The following TRAF6 variants were observed in gnomAD, a reference collection of about 807,000 sequenced individuals.
TRAF6 encodes TNF receptor-associated factor 6.
In TRAF6, 10 loss-of-function variants were observed where a neutral mutation model predicts 48.4. The ratio of observed to expected loss-of-function variants is 0.21; its 90% CI spans 0.13 to 0.35. TRAF6 has a LOEUF of 0.35. Ranked by LOEUF, TRAF6 falls within the 10% of genes least tolerant of loss-of-function variation. The pLI, the probability that TRAF6 is intolerant of heterozygous loss-of-function variation, is 1.00. For synonymous variants in TRAF6, 186 were observed against 219.6 expected, an observed-to-expected ratio of 0.85 and a Z score of 1.35; for missense variants, 397 against 661.0, an observed-to-expected ratio of 0.60 and a Z score of 4.38.
In TRAF6 at chr11:36,487,912, C is replaced by T. The variant is rs1029471024; in HGVS notation, c.*1926G>A. ...TGTGGCAACATTTAATTTTTTTCTC[C>T]GATAAAAGTACACATTTATTGTAGA... On this transcript the variant is annotated 3_prime_UTR_variant, in exon 7 of 7. Coordinates refer to ENST00000526995, the MANE Select transcript of TRAF6 (RefSeq NM_004620.4). 1.1e-4 allele frequency: 17 copies of T among 151,760 alleles called. No homozygotes were observed. The highest frequency in any genetic ancestry group is 2.4e-4 in the African/African-American group (10 of 41,354). 9.4% of individuals were successfully genotyped at this position (151,760 alleles called of 1,614,324 possible). A position where few individuals can be genotyped will look rare whatever the true frequency, so the allele number is the denominator to read the frequency against.
At chr11:36,492,428 C>CT in intron 6 of TRAF6, 123 bp downstream of exon 6, 1 of 819,152 alleles carries the variant, frequency 1.2e-6, no homozygotes, top group Non-Finnish European at 1.9e-6. Context: ...ATGAATAACT[C>CT]TATTATATCA....
At chr11:36,504,849 T>G (rs906457616) in intron 1 of TRAF6, among the ~76,000 whole-genome samples, 3 of 152,226 alleles carry the variant, frequency 2.0e-5, no homozygotes, top group African/African-American at 7.2e-5. Context: ...TTAGCAGGCA[T>G]GAAAACAACA....
rs908052344 is a variant in TRAF6 at position 36,486,329 on chromosome 11, G to A, written c.*3509C>T. On this transcript the variant is annotated 3_prime_UTR_variant, in exon 7 of 7. Transcript: ENST00000526995. The stretch of plus-strand genomic sequence containing the variant: ...GCTGGGATTATAGGCGTGAGCCACC[G>A]TGCCCAGCCTAATAGTATTTTATAT... Among the ~76,000 whole-genome samples, 1 of 152,094 alleles carries A rather than the reference G, an allele frequency of 6.6e-6. No homozygotes were observed. The highest frequency in any genetic ancestry group is 1.9e-4 in the East Asian group (1 of 5,194).
chr11:36,497,272 ATT>A lies in TRAF6; in HGVS notation c.448-8_448-7del. The A allele has an allele frequency of 2.7e-6, 4 of 1,502,796 alleles. No individual in the cohort carries two copies. Among genetic ancestry groups the A allele is most frequent in the South Asian group, 2.3e-5 (2 of 85,468 alleles). 93.1% of individuals were successfully genotyped at this position (1,502,796 alleles called of 1,614,324 possible). A position where few individuals can be genotyped will look rare whatever the true frequency, so the allele number is the denominator to read the frequency against. On this transcript the variant is annotated splice_polypyrimidine_tract_variant and splice_region_variant and intron_variant, in intron 3 of 6. Coordinates refer to ENST00000526995, the MANE Select transcript of TRAF6 (RefSeq NM_004620.4). Reference sequence around the variant, plus strand: ...TCACAATGTGCTTGATGATCCTATAATTAAAAAAATAATGGATTAGCATTAGC... The same window carrying A: ...TCACAATGTGCTTGATGATCCTATAAAAAAAAATAATGGATTAGCATTAGC...
In TRAF6 at chr11:36,489,861, G is replaced by A. The variant is rs1859537920; in HGVS notation, c.1546C>T (p.Arg516Ter). 7 of 1,613,764 alleles carry A rather than the reference G, an allele frequency of 4.3e-6. 1 individual carries two copies. Among genetic ancestry groups the A allele is most frequent in the East Asian group, 4.5e-5 (2 of 44,896 alleles). The change falls in exon 7 of 7, where the codon CGA (arginine) becomes TGA (stop). Residue 516 changes from arginine to a stop codon, truncating the protein, a stop_gained. Transcript: ENST00000526995. LOFTEE classifies it high-confidence loss of function. ...AGCTATACCCCTGCATCAGTACTTC[G>A]TGGCTGAAAACCCTCCCTCCGAAGG... is the stretch of plus-strand genomic sequence containing the variant. ...GSLRREGFQP[R>*]STDAGV
At chr11:36,496,971 A>C in intron 4 of TRAF6, 137 bp downstream of exon 4, 1 of 948,788 alleles carries the variant, frequency 1.1e-6, no homozygotes, top group South Asian at 1.8e-5. Context: ...TTTTCTTAAA[A>C]ATCATTTTTC....
rs924490152 is a variant in TRAF6, at chr11:36,486,955, G to A, written c.*2883C>T. On this transcript the variant is annotated 3_prime_UTR_variant, in exon 7 of 7. Coordinates refer to ENST00000526995, the MANE Select transcript of TRAF6 (RefSeq NM_004620.4). ...AATACAAAAAAATTAGCTGGGCGTG[G>A]TGGCGGGTGCCTGTAATCCCAGCTG... The A allele has an allele frequency of 2.6e-5, 4 of 152,308 alleles. No homozygotes were observed. The highest frequency in any genetic ancestry group is 7.3e-5 in the African/African-American group (3 of 41,346). The allele number at this position is 152,308 out of a possible 1,614,324, so 9.4% of individuals were successfully genotyped here.
At chr11:36,495,364 C>T (rs1251521664) in intron 4 of TRAF6, among the ~76,000 whole-genome samples, 2 of 152,184 alleles carry the variant, frequency 1.3e-5, no homozygotes, top group South Asian at 4.1e-4. Context: ...CGAGGCTATA[C>T]TTCTCCAAAG....
At chr11:36,501,117 T>C in intron 2 of TRAF6, 103 bp downstream of exon 2, 1 of 1,159,548 alleles carries the variant, frequency 8.6e-7, no homozygotes, top group Non-Finnish European at 1.2e-6. Flanking sequence ...CTAAGTAGCT[T>C]TTTATGTGTA....
chr11:36,505,624 C>T (rs577440867), intron 1 of TRAF6, among the ~76,000 whole-genome samples: 36 of 152,326 alleles, frequency 2.4e-4, no homozygotes, highest in Admixed American at 2.3e-3. Flanking sequence ...TGGAGTACCA[C>T]TTTTAATTTC....
chr11:36,500,578 T>C (rs2133674652), intron 2 of TRAF6, among the ~76,000 whole-genome samples: 1 of 152,286 alleles, frequency 6.6e-6, no homozygotes, highest in Middle Eastern at 3.4e-3. Flanking sequence ...TTACTTATTT[T>C]ACTAGGTCCA....
In TRAF6 at chr11:36,484,106, T is replaced by C. The variant is rs949304471; in HGVS notation, c.*5732A>G. ...AAGTCAGCCCAGCAATTCAGTTGTA[T>C]TGACCTGATGGAGGCCATCCGAGGT... On this transcript the variant is annotated 3_prime_UTR_variant, in exon 7 of 7. Transcript: ENST00000526995. Among the ~76,000 whole-genome samples, 3 of 152,194 alleles carry C rather than the reference T, an allele frequency of 2.0e-5. No homozygotes were observed. The highest frequency in any genetic ancestry group is 7.2e-5 in the African/African-American group (3 of 41,446).
intron 5 of TRAF6, 53 bp downstream of exon 5, chr11:36,494,923 T>C: frequency 7.7e-7 from 1 of 1,291,790 alleles, no homozygotes; most frequent in Non-Finnish European, 1.1e-6. Flanking sequence ...AAAAACCTAA[T>C]TCACTTCTTT....
Position 36,492,566 on chromosome 11 carries a change from A to C in TRAF6, c.741T>G (p.Phe247Leu). The change falls in exon 6 of 7, where the codon TTT becomes TTG. Residue 247 changes from phenylalanine (F) to leucine (L), a missense_variant. Phe to Leu is a conservative substitution (Grantham distance 22). Around this residue, in one of 4 missense-constraint regions of TRAF6, gnomAD observed 245 missense variants for 349.1 expected, o/e 0.70. Transcript: ENST00000526995. Reference sequence around the variant, plus strand: ...AAAACCTTACCTTTTCATGGCAACCAAAAGTACTGAATGTGCATGGAATTG... The same window carrying C: ...AAAACCTTACCTTTTCATGGCAACCCAAAGTACTGAATGTGCATGGAATTG... ...TAPIPCTFST[F>L]GCHEKMQRNH... The C allele has an allele frequency of 6.2e-7, 1 of 1,608,498 alleles. No homozygotes were observed. The highest frequency in any genetic ancestry group is 8.5e-7 in the Non-Finnish European group (1 of 1,178,620).
rs948491443 is a variant in TRAF6 at position 36,485,455 on chromosome 11, C to T, written c.*4383G>A. ...AGAACTATGGTCACTGCTGCTTGGGCGATTGTCCGAGTGGGACAGCACCTA... is the reference window on the plus strand; with the variant it reads ...AGAACTATGGTCACTGCTGCTTGGGTGATTGTCCGAGTGGGACAGCACCTA... On this transcript the variant is annotated 3_prime_UTR_variant, in exon 7 of 7. Coordinates refer to ENST00000526995, the MANE Select transcript of TRAF6 (RefSeq NM_004620.4). 2.0e-5 allele frequency among the ~76,000 whole-genome samples: 3 copies of T among 152,060 alleles called. No homozygotes were observed. The highest frequency in any genetic ancestry group is 2.1e-4 in the South Asian group (1 of 4,826).
intron 5 of TRAF6, among the ~76,000 whole-genome samples, 179 bp downstream of exon 5, chr11:36,494,797 T>C (rs1310128904): frequency 2.0e-5 from 3 of 151,918 alleles, no homozygotes; most frequent in Admixed American, 6.5e-5. Context: ...GGCTGGATGT[T>C]TTGTTCTCCC....
In TRAF6 at chr11:36,497,134, C is replaced by T. The variant is rs780939272; in HGVS notation, c.580G>A (p.Ala194Thr). Residue 194 changes from alanine (A) to threonine (T), a missense_variant, in exon 4 of 7, where the codon GCA becomes ACA. Transcript: ENST00000526995. ...RRQVSCDNCA[A>T]SMAFEDKEIH... ...TCTTTATCTTCAAATGCCATTGATG[C>T]AGCACAGTTGTCACAAGAAACCTGT... is the stretch of plus-strand genomic sequence containing the variant. The T allele has an allele frequency of 5.0e-6, 8 of 1,613,454 alleles. No homozygotes were observed. The East Asian group carries it at 1.1e-4, about 22-fold the overall frequency.
intron 1 of TRAF6, among the ~76,000 whole-genome samples, chr11:36,504,937 C>T (rs1859764786): frequency 6.6e-6 from 1 of 152,176 alleles, no homozygotes; most frequent in Non-Finnish European, 1.5e-5. Flanking sequence ...TTTTGAAAGG[C>T]ATCTCTCTTT....
At position 36,484,058 on chromosome 11, in the gene TRAF6, C is replaced by T. The variant is rs985170733; in HGVS notation, c.*5780G>A. ...GAGAAAGGTCACACTTCTCTACTTA[C>T]TAAAATGGAGTCCTTCAATCTTAAG... is the stretch of plus-strand genomic sequence containing the variant. On this transcript the variant is annotated 3_prime_UTR_variant, in exon 7 of 7. Transcript: ENST00000526995. Among the ~76,000 whole-genome samples the T allele has an allele frequency of 5.9e-5, 9 of 152,160 alleles. No homozygotes were observed. The highest frequency in any genetic ancestry group is 2.2e-4 in the African/African-American group (9 of 41,442).
Sources: allele counts gnomAD v4.1 joint callset (sites outside exome capture counted in the v4.1 genomes callset), GRCh38; gene constraint gnomAD v4.1.1; regional missense constraint gnomAD v4.1.1; transcripts MANE v1.5; gene names NCBI Gene and HGNC (gene_info 2026-07-23, HGNC 2026-07-21).